The following ERCC1 variants were observed in gnomAD, a reference collection of about 807,000 sequenced individuals.
The protein encoded by ERCC1 is DNA excision repair protein ERCC-1.
Under a neutral mutation model 37.6 loss-of-function variants are expected in ERCC1, and 36 were observed. The ratio of observed to expected loss-of-function variants is 0.96; its 90% CI spans 0.73 to 1.26. The LOEUF (loss-of-function observed/expected upper bound fraction) is 1.26. ERCC1 is among the 50% of genes most tolerant of loss of function. The pLI is 0.00. For missense variants in ERCC1, 349 were observed against 376.5 expected (o/e 0.93, Z 0.60); for synonymous variants, 156 against 162.1 (o/e 0.96, Z 0.28).
chr19:45,417,731 G>A lies in ERCC1; in HGVS notation c.526-834C>T, dbSNP rs535679722. Among the ~76,000 whole-genome samples the A allele has an allele frequency of 1.4e-4, 21 of 152,076 alleles. No individual in the cohort carries two copies. In the East Asian group the frequency reaches 3.9e-3, roughly 28 times the overall value. ...TTTAATTTTTTTCAGACGGAGTCTC[G>A]CTCTGTTGCCCAGGCTGGAGTGCAG... On this transcript the variant is annotated intron_variant, in intron 5 of 9. Coordinates refer to ENST00000300853, the MANE Select transcript of ERCC1 (RefSeq NM_001983.4).
At position 45,409,622 on chromosome 19, in the gene ERCC1, C is replaced by A; in HGVS notation, c.*53G>T. On this transcript the variant is annotated 3_prime_UTR_variant, in exon 10 of 10. Coordinates refer to ENST00000300853, the MANE Select transcript of ERCC1 (RefSeq NM_001983.4). The stretch of plus-strand genomic sequence containing the variant: ...ACCAGCGCAGCCAGCAGGAGCCTGG[C>A]CTGGGAGGACGATTTATTATTACAC... The A allele has an allele frequency of 1.3e-6, 2 of 1,548,074 alleles. No individual in the cohort carries two copies. The highest frequency in any genetic ancestry group is 1.8e-5 in the Admixed American group (1 of 56,970).
At chr19:45,441,398 C>T (rs1568600375) in intron 1 of ERCC1, among the ~76,000 whole-genome samples, 1 of 152,014 alleles carries the variant, frequency 6.6e-6, no homozygotes, top group Non-Finnish European at 1.5e-5. Context: ...GGGTGGATGG[C>T]GGGGGGGTCA....
In ERCC1 at chr19:45,423,890, A is replaced by G. The variant is rs1051001725; in HGVS notation, c.-117T>C. ...GAGGCGGCCCACTGCCAGCACGGCC[A>G]GCGTGGCCCAGGGCTCGCAGCACTT... On this transcript the variant is annotated 5_prime_UTR_variant, in exon 1 of 10. Coordinates refer to ENST00000300853, the MANE Select transcript of ERCC1 (RefSeq NM_001983.4). The G allele has an allele frequency of 2.1e-5, 23 of 1,105,536 alleles. No homozygotes were observed. Among genetic ancestry groups the G allele is most frequent in the Non-Finnish European group, 2.6e-5 (23 of 901,580 alleles). 68.5% of individuals were successfully genotyped at this position (1,105,536 alleles called of 1,614,324 possible).
chr19:45,409,562 AG>A lies in ERCC1; in HGVS notation c.*112del. On this transcript the variant is annotated 3_prime_UTR_variant, in exon 10 of 10. Coordinates refer to ENST00000300853, the MANE Select transcript of ERCC1 (RefSeq NM_001983.4). ...GAAGGTGCCCACCTGGGCCACCAGA[AG>A]GTGACACCCCCAGAATCCCTCCCCA... The A allele has an allele frequency of 6.4e-7, 1 of 1,573,374 alleles. No homozygotes were observed. The highest frequency in any genetic ancestry group is 1.2e-5 in the South Asian group (1 of 86,750).
intron 1 of ERCC1, among the ~76,000 whole-genome samples, chr19:45,435,524 G>A (rs1206060283): frequency 3.3e-5 from 5 of 152,152 alleles, no homozygotes; most frequent in African/African-American, 7.2e-5. Flanking sequence ...GTGCAGTGTG[G>A]TGATCACAGC....
chr19:45,409,897 T>TA lies in ERCC1; in HGVS notation c.844-173_844-172insT, dbSNP rs59818252. On this transcript the variant is annotated intron_variant, in intron 9 of 9. Transcript: ENST00000300853. ...TTTAAGTTATTATTATTATTATTATTTTTTTTTTTTTTGAGATGGAGTCTC... is the reference window on the plus strand; with the variant it reads ...TTTAAGTTATTATTATTATTATTATTATTTTTTTTTTTTGAGATGGAGTCTC... 0.054 allele frequency: 12,741 copies of TA among 235,376 alleles called. 859 individuals are homozygous for TA. The highest frequency in any genetic ancestry group is 0.17 in the Admixed American group (2,737 of 15,886). 14.6% of individuals were successfully genotyped at this position (235,376 alleles called of 1,614,324 possible).
chr19:45,414,020 C>T lies in ERCC1; in HGVS notation c.717G>A (p.Leu239=). The T allele has an allele frequency of 6.2e-7, 1 of 1,613,184 alleles. No homozygotes were observed. The change falls in exon 8 of 10, where the codon CTG becomes CTA. Residue 239 remains leucine, a synonymous_variant. Coordinates refer to ENST00000300853, the MANE Select transcript of ERCC1 (RefSeq NM_001983.4). ...TTTTGTTGACTGACTTCACGGTGGTCAGACATTCAGTCACCTGGAAAGGGT... is the reference window on the plus strand; with the variant it reads ...TTTTGTTGACTGACTTCACGGTGGTTAGACATTCAGTCACCTGGAAAGGGT... The part of the protein sequence containing the change: ...QDFVSRVTEC[L]TTVKSVNKTD...
At chr19:45,414,468 C>T (rs1973930251) in intron 7 of ERCC1, 2 of 323,094 alleles carry the variant, frequency 6.2e-6, no homozygotes, top group South Asian at 5.7e-5. Flanking sequence ...GAGAGTGAGA[C>T]TCCATCTCAA....
chr19:45,441,580 G>A (rs1224521670), intron 1 of ERCC1, among the ~76,000 whole-genome samples: 2 of 152,008 alleles, frequency 1.3e-5, no homozygotes, highest in Admixed American at 6.6e-5. Context: ...TTACTATGTT[G>A]TCCAGGCTGG....
At chr19:45,434,756 T>TA (rs777588581) in intron 1 of ERCC1, among the ~76,000 whole-genome samples, 157 of 151,886 alleles carry the variant, frequency 1.0e-3, no homozygotes, top group Non-Finnish European at 1.9e-3. Context: ...CGGCCTTTTT[T>TA]AAAAATTTTT....
intron 1 of ERCC1, among the ~76,000 whole-genome samples, chr19:45,438,431 G>C (rs1473411693): frequency 6.6e-6 from 1 of 151,936 alleles, no homozygotes; most frequent in Non-Finnish European, 1.5e-5. Flanking sequence ...GGATCCATAT[G>C]TGTAATTTTA....
In ERCC1 at chr19:45,423,267, T is replaced by C; in HGVS notation, c.105+3A>G. 1 of 1,612,608 alleles carries C rather than the reference T, an allele frequency of 6.2e-7. No individual in the cohort carries two copies. Among genetic ancestry groups the C allele is most frequent in the Non-Finnish European group, 8.5e-7 (1 of 1,179,446 alleles). On this transcript the variant is annotated splice_donor_region_variant and intron_variant, in intron 2 of 9. Coordinates refer to ENST00000300853, the MANE Select transcript of ERCC1 (RefSeq NM_001983.4). Reference sequence around the variant, plus strand: ...CCAGGGGCCCCGCATCTCCTTGTCCTACCACTCCAGGAGGGACCTCATCCT... The same window carrying C: ...CCAGGGGCCCCGCATCTCCTTGTCCCACCACTCCAGGAGGGACCTCATCCT...
chr19:45,421,764 G>A (rs1443733100), intron 2 of ERCC1, among the ~76,000 whole-genome samples: 5 of 151,668 alleles, frequency 3.3e-5, no homozygotes, highest in Non-Finnish European at 7.4e-5. Context: ...CTCCCAAATA[G>A]CTGGGACTAC....
intron 1 of ERCC1, among the ~76,000 whole-genome samples, chr19:45,442,869 C>A (rs1975156685): frequency 6.6e-6 from 1 of 151,894 alleles, no homozygotes; most frequent in South Asian, 2.1e-4. Flanking sequence ...CTCCTCAGAC[C>A]CACAGCACCC....
chr19:45,434,430 T>C (rs958930417), intron 1 of ERCC1, among the ~76,000 whole-genome samples: 2 of 151,696 alleles, frequency 1.3e-5, no homozygotes, highest in East Asian at 3.9e-4. Flanking sequence ...ATGTCAAGGC[T>C]GCAGAGGGCC....
In ERCC1 at chr19:45,407,496, G is replaced by C; in HGVS notation, c.*2179C>G. The stretch of plus-strand genomic sequence containing the variant: ...GAGTGTGCAGATAAGCTCACTAAAG[G>C]TAGGGGCTATTGGTGTTATCCACGA... On this transcript the variant is annotated 3_prime_UTR_variant, in exon 10 of 10. Coordinates refer to ENST00000300853, the MANE Select transcript of ERCC1 (RefSeq NM_001983.4). 1 of 450,508 alleles carries C rather than the reference G, an allele frequency of 2.2e-6. No homozygotes were observed. The highest frequency in any genetic ancestry group is 3.9e-6 in the Non-Finnish European group (1 of 257,148). The allele number at this position is 450,508 out of a possible 1,614,324, so 27.9% of individuals were successfully genotyped here. A position where few individuals can be genotyped will look rare whatever the true frequency, so the allele number is the denominator to read the frequency against.
Position 45,408,907 on chromosome 19 carries a change from G to A in ERCC1, c.*768C>T, listed in dbSNP as rs1186026178. 7.4e-6 allele frequency: 12 copies of A among 1,614,024 alleles called. No individual in the cohort carries two copies. Among genetic ancestry groups the A allele is most frequent in the African/African-American group, 2.7e-5 (2 of 74,916 alleles). ...TGACAGTTGAGTCTCAGCCACAGGT[G>A]AAGGTGGAGCCACTGGAGGAAGCCA... On this transcript the variant is annotated 3_prime_UTR_variant, in exon 10 of 10. Transcript: ENST00000300853.
chr19:45,445,975 G>A (rs536563791), intron 1 of ERCC1, among the ~76,000 whole-genome samples: 6 of 152,122 alleles, frequency 3.9e-5, no homozygotes, highest in Admixed American at 2.0e-4. Context: ...TGCAACCTCC[G>A]CCTCCTGGGT....
At chr19:45,410,193 AT>A (rs1172005564) in intron 9 of ERCC1, 1 of 139,074 alleles carries the variant, frequency 7.2e-6, no homozygotes, top group African/African-American at 2.8e-5. Context: ...CTAAGTTATT[AT>A]TATTTTTTTG....
Sources: allele counts gnomAD v4.1 joint callset (sites outside exome capture counted in the v4.1 genomes callset), GRCh38; gene constraint gnomAD v4.1.1; transcripts MANE v1.5; gene names NCBI Gene and HGNC (gene_info 2026-07-23, HGNC 2026-07-21).